The following CIAPIN1 variants were observed in gnomAD, a reference collection of about 807,000 sequenced individuals.
CIAPIN1 encodes the protein cytokine induced apoptosis inhibitor 1.
Under a neutral mutation model 34.3 loss-of-function variants are expected in CIAPIN1, and 18 were observed. That is an observed-to-expected ratio of 0.52 (90% confidence interval 0.36 to 0.78). The LOEUF (loss-of-function observed/expected upper bound fraction) is 0.78, where lower values mean the gene tolerates loss of function less well. Among genes scored for constraint, CIAPIN1 ranks in the 30% least tolerant of loss-of-function variants. The pLI is 0.00. For missense variants in CIAPIN1, 310 were observed against 372.5 expected (o/e 0.83, Z 1.38); for synonymous variants, 131 against 140.4 (o/e 0.93, Z 0.47).
chr16:57,435,611 A>T (rs1903181972), intron 4 of CIAPIN1, among the ~76,000 whole-genome samples: 1 of 152,130 alleles, frequency 6.6e-6, no homozygotes, highest in Admixed American at 6.5e-5. Context: ...TGGCCAACAT[A>T]GCGAAACCCC....
intron 2 of CIAPIN1, 90 bp downstream of exon 2, chr16:57,440,682 T>C: frequency 7.0e-7 from 1 of 1,434,482 alleles, no homozygotes; most frequent in Non-Finnish European, 9.4e-7. Context: ...CCACCCTAAA[T>C]GAAAACTCAG....
intron 4 of CIAPIN1, among the ~76,000 whole-genome samples, chr16:57,435,779 G>A (rs1224610716): frequency 2.0e-5 from 3 of 152,116 alleles, no homozygotes; most frequent in Non-Finnish European, 4.4e-5. Context: ...GGGCAACAGA[G>A]CGAGACTGTC....
chr16:57,446,493 A>G lies in CIAPIN1; in HGVS notation c.-56+849T>C, dbSNP rs574155659. Among the ~76,000 whole-genome samples the G allele has an allele frequency of 2.0e-5, 3 of 152,354 alleles. No homozygotes were observed. The South Asian group carries it at 6.2e-4, about 32-fold the overall frequency. On this transcript the variant is annotated intron_variant, in intron 1 of 8. Transcript: ENST00000394391. ...AATGATGGGGTCTGACTGCAAACAC[A>G]AAATCGACAGAATCACATGCTCTTG...
chr16:57,445,518 A>T (rs2030017231), intron 1 of CIAPIN1, among the ~76,000 whole-genome samples: 1 of 152,220 alleles, frequency 6.6e-6, no homozygotes, highest in African/African-American at 2.4e-5. Flanking sequence ...AAAATAAAAA[A>T]AAATTAAATT....
intron 2 of CIAPIN1, 110 bp downstream of exon 2, chr16:57,440,662 C>T: frequency 7.9e-7 from 1 of 1,257,896 alleles, no homozygotes. Flanking sequence ...CCAGCCACCA[C>T]TATCACATGC....
chr16:57,441,002 CA>C lies in CIAPIN1; in HGVS notation c.-55-20del. ...ATCAAGACTGGGCAGAGACAAAGTG[CA>C]ATTTAATCTGTGAGATATCATAAAA... is the stretch of plus-strand genomic sequence containing the variant. On this transcript the variant is annotated intron_variant, in intron 1 of 8. Coordinates refer to ENST00000394391, the MANE Select transcript of CIAPIN1 (RefSeq NM_020313.4). The C allele has an allele frequency of 6.8e-7, 1 of 1,470,038 alleles. No individual in the cohort carries two copies. The highest frequency in any genetic ancestry group is 9.3e-7 in the Non-Finnish European group (1 of 1,077,952). The allele number at this position is 1,470,038 out of a possible 1,614,324, so 91.1% of individuals were successfully genotyped here.
intron 8 of CIAPIN1, 91 bp from the exon 9 acceptor site, chr16:57,429,371 A>ATAAT: frequency 1.2e-6 from 1 of 809,084 alleles, no homozygotes; most frequent in South Asian, 1.5e-5. Context: ...ATGTGGCCAC[A>ATAAT]GTGGCCTGAA....
At chr16:57,439,075 A>G (rs1310291213) in intron 3 of CIAPIN1, 107 bp downstream of exon 3, 2 of 1,076,982 alleles carry the variant, frequency 1.9e-6, no homozygotes, top group African/African-American at 1.6e-5. Flanking sequence ...AGGTTTTGCT[A>G]CAGGAATACT....
At chr16:57,432,059 TC>T (rs1159063797) in intron 6 of CIAPIN1, among the ~76,000 whole-genome samples, 2 of 151,858 alleles carry the variant, frequency 1.3e-5, no homozygotes, top group African/African-American at 4.8e-5. Context: ...ACACCTGTAA[TC>T]CCAGCACTTT....
At chr16:57,431,088 C>T (rs1475762082) in intron 7 of CIAPIN1, 63 bp downstream of exon 7, 3 of 936,346 alleles carry the variant, frequency 3.2e-6, no homozygotes, top group East Asian at 2.4e-5. Context: ...TACAGCACCG[C>T]GATGTCTTCA....
At chr16:57,431,080 CA>C in intron 7 of CIAPIN1, 70 bp downstream of exon 7, 1 of 835,886 alleles carries the variant, frequency 1.2e-6, no homozygotes. Flanking sequence ...AAAAATAGTA[CA>C]GCACCGCGAT....
chr16:57,434,387 T>A (rs921498652), intron 4 of CIAPIN1, among the ~76,000 whole-genome samples, 175 bp from the exon 5 acceptor site: 1 of 152,178 alleles, frequency 6.6e-6, no homozygotes, highest in Non-Finnish European at 1.5e-5. Context: ...AACCCTAGAG[T>A]ATAACCTTTG....
intron 8 of CIAPIN1, among the ~76,000 whole-genome samples, chr16:57,429,879 A>C (rs2146553968): frequency 6.6e-6 from 1 of 151,634 alleles, no homozygotes; most frequent in Admixed American, 6.6e-5. Context: ...TCCCAGGTTC[A>C]AGTGATTCTC....
rs778602754 is a variant in CIAPIN1, at chr16:57,434,052, GAAGACT to G, written c.542_547del (p.Lys181_Ser183delinsThr). ...CCCTAGGCCAGCCTTACCTGAAGGA[GAAGACT>G]TCTTGGTGATGGAAAGCTTAAGCTG... On this transcript the variant is annotated inframe_deletion, in exon 5 of 9. Coordinates refer to ENST00000394391, the MANE Select transcript of CIAPIN1 (RefSeq NM_020313.4). The G allele has an allele frequency of 2.7e-5, 44 of 1,613,810 alleles. No individual in the cohort carries two copies. Among genetic ancestry groups the G allele is most frequent in the Non-Finnish European group, 3.7e-5 (44 of 1,179,942 alleles).
intron 2 of CIAPIN1, among the ~76,000 whole-genome samples, chr16:57,440,085 C>T (rs142963353): frequency 1.8e-4 from 27 of 152,202 alleles, no homozygotes; most frequent in African/African-American, 5.1e-4. Flanking sequence ...AAAGAGAATG[C>T]GTTCCTAGGG....
At chr16:57,432,899 G>A (rs1234339257) in intron 5 of CIAPIN1, among the ~76,000 whole-genome samples, 3 of 152,226 alleles carry the variant, frequency 2.0e-5, no homozygotes, top group African/African-American at 7.2e-5. Context: ...TAGACACTTA[G>A]GCTGGTTCCA....
chr16:57,432,724 T>C (rs142043264), intron 5 of CIAPIN1, among the ~76,000 whole-genome samples, 164 bp from the exon 6 acceptor site: 10 of 152,384 alleles, frequency 6.6e-5, no homozygotes, highest in African/African-American at 2.4e-4. Context: ...GGTCTGACCT[T>C]GGGCCAACCA....
chr16:57,429,157 T>C lies in CIAPIN1; in HGVS notation c.*13A>G. ...TGGCTGGAGGAGCAGATGGGTCCCA[T>C]GTCAGGAACCTCCTAGGCATCATGA... On this transcript the variant is annotated 3_prime_UTR_variant, in exon 9 of 9. Coordinates refer to ENST00000394391, the MANE Select transcript of CIAPIN1 (RefSeq NM_020313.4). The C allele has an allele frequency of 1.3e-6, 2 of 1,587,266 alleles. No individual in the cohort carries two copies. The highest frequency in any genetic ancestry group is 1.1e-5 in the South Asian group (1 of 90,530).
At chr16:57,442,537 A>G (rs2029892086) in intron 1 of CIAPIN1, among the ~76,000 whole-genome samples, 1 of 152,002 alleles carries the variant, frequency 6.6e-6, no homozygotes, top group Non-Finnish European at 1.5e-5. Flanking sequence ...GACAGAATCT[A>G]TGGTAGTCTT....
Sources: allele counts gnomAD v4.1 joint callset (sites outside exome capture counted in the v4.1 genomes callset), GRCh38; gene constraint gnomAD v4.1.1; transcripts MANE v1.5; gene names NCBI Gene and HGNC (gene_info 2026-07-23, HGNC 2026-07-21).